SEMA3A: variants seen among roughly 807,000 people sequenced by gnomAD.
SEMA3A encodes the protein semaphorin-3A.
In SEMA3A, 29 loss-of-function variants were observed where a neutral mutation model predicts 97.9. That is an observed-to-expected ratio of 0.30 (90% CI 0.22 to 0.40). SEMA3A has a LOEUF of 0.40. Ranked by LOEUF, SEMA3A falls within the 10% of genes least tolerant of loss-of-function variation. The pLI is 1.00. For missense variants in SEMA3A, 763 were observed against 951.3 expected (o/e 0.80, Z 2.60); for synonymous variants, 321 against 323.7 (o/e 0.99, Z 0.09).
At chr7:84,068,288 G>A (rs2115738413) in intron 4 of SEMA3A, among the ~76,000 whole-genome samples, 1 of 146,356 alleles carries the variant, frequency 6.8e-6, no homozygotes, top group East Asian at 2.1e-4. Flanking sequence ...TGGGGTGAGG[G>A]GGGAGGGATA....
At chr7:84,136,176 A>C (rs1796119132) in intron 1 of SEMA3A, among the ~76,000 whole-genome samples, 1 of 152,160 alleles carries the variant, frequency 6.6e-6, no homozygotes, top group Non-Finnish European at 1.5e-5. Flanking sequence ...GGAAATTTTC[A>C]TCAGCATCCA....
At chr7:84,490,456 A>T (rs541871240) in intron 1 of SEMA3A, among the ~76,000 whole-genome samples, 1 of 152,304 alleles carries the variant, frequency 6.6e-6, no homozygotes, top group South Asian at 2.1e-4. Context: ...GTCTACTTTT[A>T]TCCATACAGT....
intron 1 of SEMA3A, among the ~76,000 whole-genome samples, chr7:84,490,337 TA>T (rs1233164846): frequency 6.6e-6 from 1 of 152,082 alleles, no homozygotes; most frequent in Admixed American, 6.6e-5. Flanking sequence ...TTTTCGCCAT[TA>T]GTGAAAAATC....
intron 4 of SEMA3A, among the ~76,000 whole-genome samples, chr7:84,071,339 G>A (rs181796090): frequency 6.6e-6 from 1 of 152,168 alleles, no homozygotes; most frequent in African/African-American, 2.4e-5. Flanking sequence ...GGACCTCCAG[G>A]AAGAGAAATT....
chr7:84,403,278 C>G (rs929715846), intron 1 of SEMA3A, among the ~76,000 whole-genome samples: 6 of 152,194 alleles, frequency 3.9e-5, no homozygotes, highest in Non-Finnish European at 7.3e-5. Flanking sequence ...GGGTCCTACA[C>G]CCACGAAGCC....
rs565719971 is a variant in SEMA3A, at chr7:84,118,681, G to A, written c.334-8092C>T. ...ATCGACCCAAAGAAAGTTAGAGGTAGTAAAAGACACTATGGTCTTAGTTTG... is the reference window on the plus strand; with the variant it reads ...ATCGACCCAAAGAAAGTTAGAGGTAATAAAAGACACTATGGTCTTAGTTTG... On this transcript the variant is annotated intron_variant, in intron 3 of 16. Coordinates refer to ENST00000265362, the MANE Select transcript of SEMA3A (RefSeq NM_006080.3). Among the ~76,000 whole-genome samples, 38 of 152,274 alleles carry A rather than the reference G, an allele frequency of 2.5e-4. No homozygotes were observed. In the East Asian group the frequency reaches 6.6e-3, roughly 26 times the overall value.
rs147316880 is a variant in SEMA3A at position 84,474,449 on chromosome 7, T to TC, written c.-246+18010dup. Reference sequence around the variant, plus strand: ...ATGTTGAGGACTGCTCCTTTTTTTTTCTCTCTCTCCCAGAGTAACATTTGA... The same window carrying TC: ...ATGTTGAGGACTGCTCCTTTTTTTTTCCTCTCTCTCCCAGAGTAACATTTGA... On this transcript the variant is annotated intron_variant, in intron 1 of 3. Transcript: ENST00000424555. 0.014 allele frequency among the ~76,000 whole-genome samples: 2,050 copies of TC among 151,830 alleles called. 93 individuals are homozygous for TC. The East Asian group carries it at 0.16, about 12-fold the overall frequency.
rs753419011 is a variant in SEMA3A at position 84,007,398 on chromosome 7, T to C, written c.1095A>G (p.Gln365=). The C allele has an allele frequency of 1.2e-6, 2 of 1,610,274 alleles. No individual in the cohort carries two copies. The highest frequency in any genetic ancestry group is 1.7e-5 in the Admixed American group (1 of 59,444). ...GGACTCTTCCTTGATAAGGCACCCA[T>C]TGATAGTTGGGTCCATCCCTGTGGG... The part of the protein sequence containing the change: ...PYAHRDGPNY[Q]WVPYQGRVPY... Residue 365 remains glutamine, a synonymous_variant, in exon 10 of 17, where the codon CAA becomes CAG. Transcript: ENST00000265362.
At chr7:84,009,193 T>A (rs1156784799) in intron 9 of SEMA3A, among the ~76,000 whole-genome samples, 1 of 152,182 alleles carries the variant, frequency 6.6e-6, no homozygotes, top group Non-Finnish European at 1.5e-5. Context: ...GAATCTGAAT[T>A]TTATCATGCT....
intron 3 of SEMA3A, among the ~76,000 whole-genome samples, chr7:84,128,400 C>A (rs1795865094): frequency 6.6e-6 from 1 of 152,066 alleles, no homozygotes; most frequent in Non-Finnish European, 1.5e-5. Context: ...CATTTCATAT[C>A]ATTTCAAGAA....
At chr7:83,981,163 A>G (rs1342162636) in intron 14 of SEMA3A, among the ~76,000 whole-genome samples, 158 bp downstream of exon 14, 1 of 152,176 alleles carries the variant, frequency 6.6e-6, no homozygotes, top group African/African-American at 2.4e-5. Flanking sequence ...ATTTGAAGAG[A>G]AGAGAAAAAA....
intron 1 of SEMA3A, among the ~76,000 whole-genome samples, chr7:84,486,614 T>C (rs895359620): frequency 3.3e-5 from 5 of 152,140 alleles, no homozygotes; most frequent in Admixed American, 6.5e-5. Context: ...TTCACACAAA[T>C]GTTGCATGAT....
chr7:84,070,374 T>C (rs1448686384), intron 4 of SEMA3A, among the ~76,000 whole-genome samples: 1 of 152,138 alleles, frequency 6.6e-6, no homozygotes, highest in Non-Finnish European at 1.5e-5. Flanking sequence ...TAATGTCTAA[T>C]CCAAAGTCTT....
intron 1 of SEMA3A, among the ~76,000 whole-genome samples, chr7:84,422,184 T>G (rs1217698524): frequency 6.6e-6 from 1 of 152,100 alleles, no homozygotes; most frequent in African/African-American, 2.4e-5. Flanking sequence ...AATTACTGCC[T>G]CAATTTCAGA....
At chr7:84,027,261 A>G (rs1408218164) in intron 6 of SEMA3A, among the ~76,000 whole-genome samples, 1 of 152,136 alleles carries the variant, frequency 6.6e-6, no homozygotes. Context: ...GTATCCTCCT[A>G]TCTTACCACT....
chr7:84,004,317 T>C (rs556735558), intron 11 of SEMA3A, among the ~76,000 whole-genome samples: 1 of 152,214 alleles, frequency 6.6e-6, no homozygotes, highest in South Asian at 2.1e-4. Flanking sequence ...TCTGAAAATA[T>C]ACCTGAAAAA....
At chr7:84,389,595 A>ACCTG (rs1305903261) in intron 1 of SEMA3A, among the ~76,000 whole-genome samples, 22 of 152,080 alleles carry the variant, frequency 1.4e-4, no homozygotes, top group African/African-American at 5.1e-4. Context: ...CTGTACAGAG[A>ACCTG]TCCTAAACAT....
At chr7:84,010,544 G>C (rs573004840) in intron 9 of SEMA3A, among the ~76,000 whole-genome samples, 2 of 152,262 alleles carry the variant, frequency 1.3e-5, no homozygotes, top group Middle Eastern at 6.8e-3. Context: ...AGGACTTTCA[G>C]TGGAATTGCT....
intron 1 of SEMA3A, among the ~76,000 whole-genome samples, chr7:84,455,860 C>A (rs1343799834): frequency 2.0e-5 from 3 of 151,804 alleles, no homozygotes; most frequent in Non-Finnish European, 4.4e-5. Context: ...GTGTAGTAAC[C>A]AAATACTCTA....
Sources: gnomAD v4.1 joint callset for allele counts (sites outside exome capture counted in the v4.1 genomes callset) on GRCh38, gnomAD v4.1.1 for gene constraint, MANE v1.5 for transcripts, NCBI Gene and HGNC (gene_info 2026-07-23, HGNC 2026-07-21) for gene names.